Variants in GMEB2 observed in about 807,000 individuals in gnomAD.
GMEB2 encodes glucocorticoid modulatory element-binding protein 2.
In GMEB2, 7 loss-of-function variants were observed where a neutral mutation model predicts 45.7. The ratio of observed to expected loss-of-function variants is 0.15; its 90% CI spans 0.09 to 0.29. The LOEUF is 0.29. GMEB2 is among the 10% of genes least tolerant of loss of function. The probability of loss-of-function intolerance (pLI) is 1.00; values close to 1 mark genes in which losing one functional copy is unlikely to be tolerated. For missense variants in GMEB2, 582 were observed against 739.2 expected, an observed-to-expected ratio of 0.79 and a Z score of 2.47; for synonymous variants, 322 against 323.6, an observed-to-expected ratio of 1.00 and a Z score of 0.05.
rs2083109731 is a variant in GMEB2, at chr20:63,588,072, A to G, written c.*2017T>C. 1 of 152,418 alleles carries G rather than the reference A, an allele frequency of 6.6e-6. No homozygotes were observed. Among genetic ancestry groups the G allele is most frequent in the Non-Finnish European group, 1.5e-5 (1 of 68,050 alleles). 9.4% of individuals were successfully genotyped at this position (152,418 alleles called of 1,614,324 possible). On this transcript the variant is annotated 3_prime_UTR_variant, in exon 10 of 10. Coordinates refer to ENST00000370077, the MANE Select transcript of GMEB2 (RefSeq NM_012384.5). ...CCGAGGGCCTTGGGAAGCACTGGGA[A>G]TGGGCTCCCAGCCCTGGTGGAATGG...
intron 4 of GMEB2, among the ~76,000 whole-genome samples, chr20:63,599,208 C>T (rs1483730474): frequency 3.3e-5 from 5 of 151,468 alleles, no homozygotes; most frequent in Admixed American, 6.6e-5. Flanking sequence ...CTAACGTGGC[C>T]GCTCCTGACC....
intron 3 of GMEB2, among the ~76,000 whole-genome samples, chr20:63,604,533 T>C (rs963303053): frequency 6.6e-6 from 1 of 152,186 alleles, no homozygotes; most frequent in Non-Finnish European, 1.5e-5. Context: ...CTATTAGTCA[T>C]GGGCAGAGAA....
intron 2 of GMEB2, among the ~76,000 whole-genome samples, chr20:63,611,016 C>T (rs1194519180): frequency 1.3e-5 from 2 of 152,210 alleles, no homozygotes; most frequent in African/African-American, 4.8e-5. Context: ...GCCTGGACCC[C>T]CCGGCGAGGC....
Position 63,602,980 on chromosome 20 carries a change from A to G in GMEB2, c.342T>C (p.Asn114=), listed in dbSNP as rs2083252449. The change falls in exon 4 of 10, where the codon AAT becomes AAC. Residue 114 remains asparagine (N), a synonymous_variant. Transcript: ENST00000370077. ...CTGTGCTCACCTGAACACATTTCAC[A>G]TTGATGCCGGGACACACAAACTTCC... ...IWRKFVCPGI[N]VKCVQYDEHV... is the part of the protein sequence containing the mutation. The G allele has an allele frequency of 6.2e-7, 1 of 1,613,972 alleles. No individual in the cohort carries two copies. The highest frequency in any genetic ancestry group is 8.5e-7 in the Non-Finnish European group (1 of 1,179,994).
At chr20:63,620,128 A>G (rs550740726) in intron 1 of GMEB2, among the ~76,000 whole-genome samples, 1 of 152,144 alleles carries the variant, frequency 6.6e-6, no homozygotes, top group African/African-American at 2.4e-5. Context: ...CAAACTCCTG[A>G]CCTCAGGTGA....
In GMEB2 at chr20:63,619,415, C is replaced by T. The variant is rs374336177; in HGVS notation, c.-18G>A. 6.8e-6 allele frequency: 11 copies of T among 1,606,394 alleles called. No homozygotes were observed. The highest frequency in any genetic ancestry group is 2.7e-5 in the African/African-American group (2 of 74,882). ...GTCGCCATGGCTCAGCGGAAGGGGA[C>T]GCCCAGGCCAGCAGCGTCAGTCCTC... is the stretch of plus-strand genomic sequence containing the variant. On this transcript the variant is annotated 5_prime_UTR_variant, in exon 2 of 10. Coordinates refer to ENST00000370077, the MANE Select transcript of GMEB2 (RefSeq NM_012384.5). This position sits in a 1 kb window ranked among gnomAD's most constrained non-coding sequence, Gnocchi z 4.6.
At position 63,597,841 on chromosome 20, in the gene GMEB2, C is replaced by G; in HGVS notation, c.377G>C (p.Ser126Thr). 1 of 1,605,004 alleles carries G rather than the reference C, an allele frequency of 6.2e-7. No individual in the cohort carries two copies. The highest frequency in any genetic ancestry group is 1.1e-5 in the South Asian group (1 of 90,868). The part of the protein sequence containing the change: ...KCVQYDEHVI[S>T]PKEFVHLAGK... ...GGCCAGGTGCACAAATTCCTTTGGG[C>G]TGATTACATGCTCGTCGTACTGTGG... The change falls in exon 5 of 10, where the codon AGC (serine) becomes ACC (threonine). Residue 126 changes from serine to threonine, a missense_variant. Ser to Thr is a moderately conservative substitution (Grantham distance 58). This residue lies in a region of GMEB2 where 462 missense variants were observed against 586.7 expected (regional missense o/e 0.79). Coordinates refer to ENST00000370077, the MANE Select transcript of GMEB2 (RefSeq NM_012384.5).
At chr20:63,623,816 T>C (rs1276537065) in intron 1 of GMEB2, among the ~76,000 whole-genome samples, 3 of 149,420 alleles carry the variant, frequency 2.0e-5, no homozygotes, top group Non-Finnish European at 3.0e-5. Context: ...AAAGCCACTT[T>C]AAAATTTTAC....
intron 4 of GMEB2, among the ~76,000 whole-genome samples, chr20:63,601,484 T>C (rs2083240711): frequency 1.3e-5 from 2 of 152,134 alleles, no homozygotes; most frequent in Non-Finnish European, 2.9e-5. Context: ...TTCAATCCTA[T>C]CTCTAGTCGT....
In GMEB2 at chr20:63,602,590, C is replaced by T. The variant is rs542670307; in HGVS notation, c.357+375G>A. Among the ~76,000 whole-genome samples, 10 of 152,350 alleles carry T rather than the reference C, an allele frequency of 6.6e-5. No homozygotes were observed. The East Asian group carries it at 1.7e-3, about 26-fold the overall frequency. On this transcript the variant is annotated intron_variant, in intron 4 of 9. Transcript: ENST00000370077. Reference sequence around the variant, plus strand: ...ATGGAAATGTCTTCACTGGCATTTTCGGCTGTTCCACCACAGGTGAGCCTG... The same window carrying T: ...ATGGAAATGTCTTCACTGGCATTTTTGGCTGTTCCACCACAGGTGAGCCTG...
intron 2 of GMEB2, among the ~76,000 whole-genome samples, chr20:63,605,075 A>AC (rs1220585035): frequency 6.6e-6 from 1 of 151,534 alleles, no homozygotes; most frequent in East Asian, 1.9e-4. Context: ...ACACGGTGAA[A>AC]CCCCATCTCT....
intron 1 of GMEB2, among the ~76,000 whole-genome samples, chr20:63,622,640 A>G (rs1020004109): frequency 6.6e-6 from 1 of 152,020 alleles, no homozygotes; most frequent in Non-Finnish European, 1.5e-5. Flanking sequence ...TCTCCACACA[A>G]CTCCAAGGTA....
At chr20:63,623,848 A>C (rs890030290) in intron 1 of GMEB2, among the ~76,000 whole-genome samples, 2 of 151,958 alleles carry the variant, frequency 1.3e-5, no homozygotes, top group Non-Finnish European at 2.9e-5. Context: ...GTGGTGGCTC[A>C]CGCCCATAAT....
rs2083254748 is a variant in GMEB2, at chr20:63,603,322, C to T, written c.230-230G>A. 2.0e-5 allele frequency among the ~76,000 whole-genome samples: 3 copies of T among 152,130 alleles called. No individual in the cohort carries two copies. The South Asian group carries it at 6.2e-4, about 32-fold the overall frequency. ...TAAATATCGTTACATTAACAGAATT[C>T]CATTAAACTATGGTTCAACTGAAGA... On this transcript the variant is annotated intron_variant, in intron 3 of 9. Coordinates refer to ENST00000370077, the MANE Select transcript of GMEB2 (RefSeq NM_012384.5).
intron 1 of GMEB2, among the ~76,000 whole-genome samples, chr20:63,624,141 G>T (rs1212328312): frequency 6.6e-6 from 1 of 151,360 alleles, no homozygotes; most frequent in Non-Finnish European, 1.5e-5. Flanking sequence ...ATTTGGCCAG[G>T]CGTGGTGGCT....
chr20:63,590,339 T>C lies in GMEB2; in HGVS notation c.1343A>G (p.His448Arg). Reference sequence around the variant, plus strand: ...GACCGTGAGGCTGGACGCGTCCGGGTGGATCTCCACTGTGCTGGGGTAGGT... The same window carrying C: ...GACCGTGAGGCTGGACGCGTCCGGGCGGATCTCCACTGTGCTGGGGTAGGT... Reference protein sequence around the residue: ...GSTYPSTVEIHPDASSLTVLS... With the variant: ...GSTYPSTVEIRPDASSLTVLS... The change falls in exon 10 of 10, where the codon CAC (histidine) becomes CGC (arginine). Residue 448 changes from histidine (H) to arginine (R), a missense_variant. By Grantham distance (29) the His-to-Arg change is conservative. This residue lies in a region of GMEB2 where 462 missense variants were observed against 586.7 expected (regional missense o/e 0.79). Transcript: ENST00000370077. 1 of 1,611,796 alleles carries C rather than the reference T, an allele frequency of 6.2e-7. No homozygotes were observed. Among genetic ancestry groups the C allele is most frequent in the Non-Finnish European group, 8.5e-7 (1 of 1,179,378 alleles).
chr20:63,590,414 G>A lies in GMEB2; in HGVS notation c.1268C>T (p.Pro423Leu), dbSNP rs780808629. ...GTATCCCCCGAGCAGCGGGGAGGCC[G>A]GGGAGCTGGCGGGGGGCGCCTGAAG... ...GSLQAPPASS[P>L]ASPLLGGYTV... Residue 423 changes from proline to leucine, a missense_variant, in exon 10 of 10, where the codon CCG becomes CTG. Physicochemically the swap from Pro to Leu is moderately conservative, Grantham distance 98. Around this residue, in one of 3 missense-constraint regions of GMEB2, gnomAD observed 462 missense variants for 586.7 expected, o/e 0.79. Coordinates refer to ENST00000370077, the MANE Select transcript of GMEB2 (RefSeq NM_012384.5). 5.2e-5 allele frequency: 81 copies of A among 1,569,652 alleles called. No homozygotes were observed. The highest frequency in any genetic ancestry group is 3.4e-4 in the Middle Eastern group (2 of 5,934).
At chr20:63,624,988 G>A (rs1376725810) in intron 1 of GMEB2, among the ~76,000 whole-genome samples, 1 of 152,136 alleles carries the variant, frequency 6.6e-6, no homozygotes, top group East Asian at 1.9e-4. Context: ...TTACAGGCGT[G>A]AGCCACTGAG....
intron 3 of GMEB2, among the ~76,000 whole-genome samples, chr20:63,604,105 C>T (rs1315874875): frequency 6.8e-6 from 1 of 147,410 alleles, no homozygotes; most frequent in East Asian, 2.0e-4. Context: ...GTGGCTCACA[C>T]CTGTAATCCC....
Sources: allele counts gnomAD v4.1 joint callset (sites outside exome capture counted in the v4.1 genomes callset), GRCh38; gene constraint gnomAD v4.1.1; regional missense constraint gnomAD v4.1.1; non-coding constraint Gnocchi (gnomAD v3.1); transcripts MANE v1.5; gene names NCBI Gene and HGNC (gene_info 2026-07-23, HGNC 2026-07-21).